The following FAM167A variants were observed in gnomAD, a reference collection of about 807,000 sequenced individuals.
FAM167A encodes the protein family with sequence similarity 167 member A.
In FAM167A, 23 loss-of-function variants were observed where a neutral mutation model predicts 14.9. The ratio of observed to expected loss-of-function variants is 1.55; its 90% CI spans 1.11 to 2.19. FAM167A has a LOEUF of 2.19. FAM167A is among the 30% of genes most tolerant of loss of function. The pLI is 0.00. For synonymous variants in FAM167A, 174 were observed against 117.7 expected (o/e 1.48, Z -3.10); for missense variants, 401 against 281.5 (o/e 1.42, Z -3.04).
upstream of FAM167A, chr8:11,467,598 A>C (rs1362550287): frequency 6.6e-6 from 1 of 152,388 alleles, no homozygotes; most frequent in African/African-American, 2.4e-5. Context: ...TTCTCACGAT[A>C]GCCCTGGGCG....
intron 2 of FAM167A, among the ~76,000 whole-genome samples, chr8:11,443,104 C>T (rs1806534740): frequency 6.6e-6 from 1 of 152,230 alleles, no homozygotes; most frequent in Non-Finnish European, 1.5e-5. Flanking sequence ...TGGCCTGACT[C>T]GCAGGTGTCA....
chr8:11,444,046 C>G lies in FAM167A; in HGVS notation c.366G>C (p.Trp122Cys). 2 of 1,612,372 alleles carry G rather than the reference C, an allele frequency of 1.2e-6. No homozygotes were observed. Among genetic ancestry groups the G allele is most frequent in the Non-Finnish European group, 1.7e-6 (2 of 1,179,256 alleles). The change falls in exon 2 of 3, where the codon TGG (tryptophan) becomes TGC (cysteine). Residue 122 changes from tryptophan to cysteine, a missense_variant. Transcript: ENST00000284486. Reference protein sequence around the residue: ...GFQSIDEAIAWLRKELTEMRL... With the variant: ...GFQSIDEAIACLRKELTEMRL... ...AGCCACTCACCAGTTCCTTCCTGAG[C>G]CAGGCTATAGCTTCATCGATGCTCT...
chr8:11,434,949 C>T, intron 2 of FAM167A: 1 of 443,152 alleles, frequency 2.3e-6, no homozygotes, highest in Non-Finnish European at 4.5e-6. Flanking sequence ...GCCCAGAGGA[C>T]AGCATCACTG....
In FAM167A at chr8:11,444,337, G is replaced by A. The variant is rs1172273149; in HGVS notation, c.75C>T (p.Asp25=). Reference sequence around the variant, plus strand: ...TGAGGGCCTTCAGGCTCCGGAGGTGGTCATCGGGTGGTGCGGCTGCTCCCG... The same window carrying A: ...TGAGGGCCTTCAGGCTCCGGAGGTGATCATCGGGTGGTGCGGCTGCTCCCG... ...EGAGAAAPPD[D]HLRSLKALTE... Residue 25 remains aspartate (D), a synonymous_variant, in exon 2 of 3, where the codon GAC becomes GAT. Transcript: ENST00000284486. The A allele has an allele frequency of 1.9e-6, 3 of 1,608,210 alleles. No individual in the cohort carries two copies.
At chr8:11,435,195 G>A in intron 2 of FAM167A, 1 of 451,342 alleles carries the variant, frequency 2.2e-6, no homozygotes, top group Non-Finnish European at 4.5e-6. Context: ...CTGAGGTTCT[G>A]TCCCCTCCCC....
intron 1 of FAM167A, among the ~76,000 whole-genome samples, chr8:11,473,326 T>C (rs919808252): frequency 6.6e-6 from 1 of 151,996 alleles, no homozygotes; most frequent in Non-Finnish European, 1.5e-5. Flanking sequence ...CATTCTGTCA[T>C]CAGGAAGGCC....
chr8:11,451,847 G>GC (rs1807039490), intron 1 of FAM167A, among the ~76,000 whole-genome samples: 1 of 152,198 alleles, frequency 6.6e-6, no homozygotes, highest in Non-Finnish European at 1.5e-5. Context: ...TCCTGCCTCT[G>GC]CCTTCTGGAT....
At chr8:11,429,781 C>G (rs1056985715) in intron 2 of FAM167A, among the ~76,000 whole-genome samples, 1 of 152,202 alleles carries the variant, frequency 6.6e-6, no homozygotes, top group Non-Finnish European at 1.5e-5. Flanking sequence ...AAGCTGAGCT[C>G]CACTCCTCAC....
intron 1 of FAM167A, among the ~76,000 whole-genome samples, chr8:11,473,473 A>G (rs1808025133): frequency 1.3e-5 from 2 of 152,106 alleles, no homozygotes; most frequent in African/African-American, 4.8e-5. Flanking sequence ...CTTTTCAACA[A>G]CTGTACCCCG....
chr8:11,456,098 CTGTG>C (rs1201675627), intron 1 of FAM167A, among the ~76,000 whole-genome samples: 15 of 93,486 alleles, frequency 1.6e-4, no homozygotes, highest in East Asian at 6.6e-4. Context: ...GGTTGCCTTG[CTGTG>C]TGTGTGTGTG....
chr8:11,462,123 C>T (rs1425469223), intron 1 of FAM167A, among the ~76,000 whole-genome samples: 1 of 152,248 alleles, frequency 6.6e-6, no homozygotes, highest in Non-Finnish European at 1.5e-5. Context: ...TGTGACTTTG[C>T]TTCCCTGCCG....
At chr8:11,472,265 T>C (rs769612692), upstream of FAM167A, among the ~76,000 whole-genome samples, 1 of 152,124 alleles carries the variant, frequency 6.6e-6, no homozygotes, top group African/African-American at 2.4e-5. Flanking sequence ...TCCATTGTGA[T>C]GTCTTTGAGT....
rs758893333 is a variant in FAM167A, at chr8:11,444,112, T to C, written c.300A>G (p.Gln100=). Residue 100 remains glutamine (Q), a synonymous_variant, in exon 2 of 3, where the codon CAA becomes CAG. Transcript: ENST00000284486. ...TGCCAGTGGACAGGGGTCTGGCACC[T>C]TGGCTGGCACTCCTGGCAGAAGGGG... ...QHPPSARSAS[Q]GARPLSTGKL... 4 of 1,613,432 alleles carry C rather than the reference T, an allele frequency of 2.5e-6. No individual in the cohort carries two copies. In the East Asian group the frequency reaches 8.9e-5, roughly 36 times the overall value.
chr8:11,440,512 A>G (rs1806373444), intron 2 of FAM167A, among the ~76,000 whole-genome samples: 1 of 152,202 alleles, frequency 6.6e-6, no homozygotes. Context: ...GTCTTGCAGG[A>G]GGCGGGAGCA....
intron 1 of FAM167A, among the ~76,000 whole-genome samples, chr8:11,457,619 C>G (rs1807385147): frequency 6.6e-6 from 1 of 152,146 alleles, no homozygotes; most frequent in African/African-American, 2.4e-5. Flanking sequence ...GCCCGGCACA[C>G]AGCGGGTGCT....
At chr8:11,455,439 TGG>T (rs2117124926) in intron 1 of FAM167A, among the ~76,000 whole-genome samples, 1 of 61,432 alleles carries the variant, frequency 1.6e-5, no homozygotes, top group East Asian at 5.3e-4. Flanking sequence ...TGTGTGAGTG[TGG>T]GGGGTGGCTG....
rs1806671247 is a variant in FAM167A at position 11,444,627 on chromosome 8, T to C, written c.-216A>G. On this transcript the variant is annotated 5_prime_UTR_variant, in exon 2 of 3. The change creates a new upstream start codon in the 5' untranslated region. Coordinates refer to ENST00000284486, the MANE Select transcript of FAM167A (RefSeq NM_053279.3). Reference sequence around the variant, plus strand: ...GGGCGCCCTCCTGGAGGCTCGGGTCTATGATCCGTCCTGGAAGCCTGTGGG... The same window carrying C: ...GGGCGCCCTCCTGGAGGCTCGGGTCCATGATCCGTCCTGGAAGCCTGTGGG... 1 of 1,353,968 alleles carries C rather than the reference T, an allele frequency of 7.4e-7. No homozygotes were observed. Among genetic ancestry groups the C allele is most frequent in the South Asian group, 2.0e-5 (1 of 50,770 alleles). The allele number at this position is 1,353,968 out of a possible 1,614,324, so 83.9% of individuals were successfully genotyped here.
At position 11,444,579 on chromosome 8, in the gene FAM167A, G is replaced by A; in HGVS notation, c.-168C>T. On this transcript the variant is annotated 5_prime_UTR_variant, in exon 2 of 3. Coordinates refer to ENST00000284486, the MANE Select transcript of FAM167A (RefSeq NM_053279.3). ...AGGCTGGGTGGCAGGGGAGCTGAGA[G>A]GGACCGCGCAGTGAGCCGCACAGGG... is the stretch of plus-strand genomic sequence containing the variant. 2.1e-6 allele frequency: 3 copies of A among 1,440,250 alleles called. No individual in the cohort carries two copies. Among genetic ancestry groups the A allele is most frequent in the Non-Finnish European group, 2.7e-6 (3 of 1,104,072 alleles). 89.2% of individuals were successfully genotyped at this position (1,440,250 alleles called of 1,614,324 possible). A position where few individuals can be genotyped will look rare whatever the true frequency, so the allele number is the denominator to read the frequency against.
At position 11,444,478 on chromosome 8, in the gene FAM167A, G is replaced by A. The variant is rs1806657686; in HGVS notation, c.-67C>T. On this transcript the variant is annotated 5_prime_UTR_variant, in exon 2 of 3. Coordinates refer to ENST00000284486, the MANE Select transcript of FAM167A (RefSeq NM_053279.3). ...GGGCGCAGGGGGAGGCTTGGTGGGT[G>A]GCACAGTTGGGTCCCGCTCTGGGAT... The A allele has an allele frequency of 1.3e-6, 2 of 1,500,254 alleles. No homozygotes were observed. Among genetic ancestry groups the A allele is most frequent in the Non-Finnish European group, 1.8e-6 (2 of 1,129,010 alleles). 92.9% of individuals were successfully genotyped at this position (1,500,254 alleles called of 1,614,324 possible).
Sources: allele counts gnomAD v4.1 joint callset (sites outside exome capture counted in the v4.1 genomes callset), GRCh38; gene constraint gnomAD v4.1.1; transcripts MANE v1.5; gene names NCBI Gene and HGNC (gene_info 2026-07-23, HGNC 2026-07-21).